Variants in SLC14A2 observed in about 807,000 individuals in gnomAD.
SLC14A2 encodes the protein urea transporter 2.
A neutral mutation model predicts 104.6 loss-of-function variants in SLC14A2; 91 were observed. That is an observed-to-expected ratio of 0.87 (90% confidence interval 0.73 to 1.04). The LOEUF is 1.04. Ranked by LOEUF, SLC14A2 falls within the 50% of genes least tolerant of loss-of-function variation. The pLI is 0.00. For missense variants in SLC14A2, 1,189 were observed against 1,156.0 expected, an observed-to-expected ratio of 1.03 and a Z score of -0.41; for synonymous variants, 476 against 466.4, an observed-to-expected ratio of 1.02 and a Z score of -0.27.
intron 2 of SLC14A2, among the ~76,000 whole-genome samples, chr18:45,503,087 A>C (rs2043224438): frequency 6.6e-6 from 1 of 152,170 alleles, no homozygotes; most frequent in Non-Finnish European, 1.5e-5. Flanking sequence ...TGGAATTCTA[A>C]GAAGGAAATA....
At chr18:45,465,111 C>T (rs566224055) in intron 1 of SLC14A2, among the ~76,000 whole-genome samples, 9 of 151,980 alleles carry the variant, frequency 5.9e-5, no homozygotes, top group Middle Eastern at 3.4e-3. Context: ...CAGGTACCAG[C>T]TAAAGAGAGA....
chr18:45,631,511 A>G (rs1031905178), intron 4 of SLC14A2, among the ~76,000 whole-genome samples: 3 of 152,332 alleles, frequency 2.0e-5, no homozygotes, highest in South Asian at 4.1e-4. Flanking sequence ...ATACTACCAC[A>G]CTTCTGGGCT....
At chr18:45,644,445 C>T (rs550994607) in intron 10 of SLC14A2, 2 of 312,626 alleles carry the variant, frequency 6.4e-6, no homozygotes, top group Admixed American at 9.0e-5. Flanking sequence ...TGACTTAAAA[C>T]AAAAACAGTA....
chr18:45,634,970 G>C (rs1056533970), intron 5 of SLC14A2: 3 of 415,482 alleles, frequency 7.2e-6, no homozygotes, highest in Middle Eastern at 7.0e-4. Context: ...AGTGGGTCTG[G>C]GGTATATTTT....
intron 1 of SLC14A2, among the ~76,000 whole-genome samples, chr18:45,414,298 T>C (rs911125672): frequency 6.6e-6 from 1 of 152,156 alleles, no homozygotes; most frequent in African/African-American, 2.4e-5. Context: ...GAAGTTCAAC[T>C]AAAACCTCAC....
chr18:45,393,990 A>G (rs2086000924), intron 1 of SLC14A2, among the ~76,000 whole-genome samples: 2 of 151,998 alleles, frequency 1.3e-5, no homozygotes, highest in Middle Eastern at 3.2e-3. Context: ...CAAGGTCCTA[A>G]CCCCTCTCCA....
chr18:45,514,784 C>A (rs1282941541), intron 2 of SLC14A2, among the ~76,000 whole-genome samples: 1 of 152,198 alleles, frequency 6.6e-6, no homozygotes, highest in Non-Finnish European at 1.5e-5. Flanking sequence ...GATGGGGAAA[C>A]ACCCATGTAG....
chr18:45,659,961 C>CAAA (rs11456560), intron 10 of SLC14A2, among the ~76,000 whole-genome samples: 2 of 104,798 alleles, frequency 1.9e-5, no homozygotes, highest in East Asian at 3.0e-4. Flanking sequence ...ACTGGCTCTA[C>CAAA]AAAAAAAAAA....
intron 2 of SLC14A2, among the ~76,000 whole-genome samples, chr18:45,525,130 GACACAC>G (rs5824592): frequency 2.0e-5 from 3 of 149,630 alleles, no homozygotes; most frequent in African/African-American, 2.5e-5. Context: ...TTTGCATATA[GACACAC>G]ACACACACAC....
At chr18:45,225,212 C>T (rs1599587863) in intron 1 of SLC14A2, among the ~76,000 whole-genome samples, 1 of 152,110 alleles carries the variant, frequency 6.6e-6, no homozygotes, top group South Asian at 2.1e-4. Flanking sequence ...CTACATGTGG[C>T]TAGCCAGTTT....
intron 2 of SLC14A2, among the ~76,000 whole-genome samples, chr18:45,510,329 C>T (rs1158210972): frequency 1.3e-5 from 2 of 152,104 alleles, no homozygotes; most frequent in African/African-American, 4.8e-5. Context: ...GATCATGCAA[C>T]TTATAGTGAT....
chr18:45,584,334 C>T (rs1244089233), intron 2 of SLC14A2, among the ~76,000 whole-genome samples: 1 of 152,152 alleles, frequency 6.6e-6, no homozygotes. Flanking sequence ...AAACTCATGC[C>T]TCATCTCAGC....
intron 1 of SLC14A2, among the ~76,000 whole-genome samples, chr18:45,311,786 T>G (rs2085081868): frequency 6.6e-6 from 1 of 152,104 alleles, no homozygotes; most frequent in South Asian, 2.1e-4. Context: ...GGAACCAAAG[T>G]AGTGATTTAG....
chr18:45,182,266 G>A, the SLC14A2 span, among the ~76,000 whole-genome samples: 1 of 151,680 alleles, frequency 6.6e-6, no homozygotes, highest in East Asian at 1.9e-4. Flanking sequence ...ATGACCTTAG[G>A]AAAATTGAAT....
chr18:45,365,275 C>T (rs552076121), intron 1 of SLC14A2, among the ~76,000 whole-genome samples: 2 of 152,334 alleles, frequency 1.3e-5, no homozygotes, highest in South Asian at 2.1e-4. Flanking sequence ...TGAGATCATT[C>T]CTCCATAGTA....
chr18:45,396,499 C>T (rs972469810), intron 1 of SLC14A2, among the ~76,000 whole-genome samples: 1 of 152,130 alleles, frequency 6.6e-6, no homozygotes, highest in Admixed American at 6.5e-5. Context: ...CAAAATTCTT[C>T]CCCTTTTCTG....
At chr18:45,522,066 G>T (rs1311050806) in intron 2 of SLC14A2, among the ~76,000 whole-genome samples, 1 of 152,162 alleles carries the variant, frequency 6.6e-6, no homozygotes, top group Admixed American at 6.5e-5. Flanking sequence ...GCAATCTAAG[G>T]CAGTCTAAGG....
chr18:45,169,813 A>C, the SLC14A2 span, among the ~76,000 whole-genome samples: 1 of 152,034 alleles, frequency 6.6e-6, no homozygotes, highest in South Asian at 2.1e-4. Context: ...AATACCATCT[A>C]CTCATTATTC....
In SLC14A2 at chr18:45,414,755, AAAATATAT is replaced by A. The variant is rs1433198814; in HGVS notation, c.-124-68476_-124-68469del. Among the ~76,000 whole-genome samples the A allele has an allele frequency of 2.8e-4, 18 of 64,142 alleles. 1 individual carries two copies. Among genetic ancestry groups the A allele is most frequent in the African/African-American group, 1.3e-3 (16 of 12,494 alleles). 42.1% of individuals were successfully genotyped at this position (64,142 alleles called of 152,430 possible). A position where few individuals can be genotyped will look rare whatever the true frequency, so the allele number is the denominator to read the frequency against. On this transcript the variant is annotated intron_variant, in intron 1 of 20. Coordinates refer to the SLC14A2 transcript ENST00000586448. ...CAAGGCACCGAGCGTAAAAAAAAAA[AAAATATAT>A]ATATATATATATATATATATATATA... is the stretch of plus-strand genomic sequence containing the variant.
Sources: allele counts gnomAD v4.1 joint callset (sites outside exome capture counted in the v4.1 genomes callset), GRCh38; gene constraint gnomAD v4.1.1; transcripts MANE v1.5; gene names NCBI Gene and HGNC (gene_info 2026-07-23, HGNC 2026-07-21).